ACOX3: variants seen among roughly 807,000 people sequenced by gnomAD.
ACOX3 encodes peroxisomal acyl-coenzyme A oxidase 3.
A neutral mutation model predicts 81.5 loss-of-function variants in ACOX3; 73 were observed. The ratio of observed to expected loss-of-function variants is 0.90; its 90% CI spans 0.74 to 1.09. The LOEUF (loss-of-function observed/expected upper bound fraction) is 1.09, where lower values mean the gene tolerates loss of function less well. Ranked by LOEUF, ACOX3 falls within the 50% of genes least tolerant of loss-of-function variation. ACOX3 has a pLI of 0.00. For missense variants in ACOX3, 947 were observed against 928.0 expected, an observed-to-expected ratio of 1.02 and a Z score of -0.27; for synonymous variants, 387 against 375.1, an observed-to-expected ratio of 1.03 and a Z score of -0.37.
chr4:8,381,723 T>C lies in ACOX3; in HGVS notation c.1538-116A>G, dbSNP rs751185160. 6.7e-6 allele frequency: 5 copies of C among 745,884 alleles called. No homozygotes were observed. The highest frequency in any genetic ancestry group is 2.4e-4 in the Middle Eastern group (1 of 4,176). The allele number at this position is 745,884 out of a possible 1,614,324, so 46.2% of individuals were successfully genotyped here. A position where few individuals can be genotyped will look rare whatever the true frequency, so the allele number is the denominator to read the frequency against. ...TCCTGCAGGTACCAGGTTGTCTTCA[T>C]TGACAACCAAGTGTATGGGGTGGGT... On this transcript the variant is annotated intron_variant, in intron 13 of 17. Coordinates refer to ENST00000356406, the MANE Select transcript of ACOX3 (RefSeq NM_003501.3). The surrounding 1 kb of genome is among the most constrained non-coding windows in gnomAD (Gnocchi z 4.3).
chr4:8,407,221 G>T lies in ACOX3; in HGVS notation c.688-1178C>A, dbSNP rs924712201. On this transcript the variant is annotated intron_variant, in intron 6 of 17. Coordinates refer to ENST00000356406, the MANE Select transcript of ACOX3 (RefSeq NM_003501.3). This position sits in a 1 kb window ranked among gnomAD's most constrained non-coding sequence, Gnocchi z 4.6. ...TGGTTTTTCCTAGGTTATGATTATA[G>T]AGCGAGGATTATTATAATATTGGGA... is the stretch of plus-strand genomic sequence containing the variant. Among the ~76,000 whole-genome samples the T allele has an allele frequency of 1.3e-5, 2 of 152,208 alleles. No homozygotes were observed. Among genetic ancestry groups the T allele is most frequent in the African/African-American group, 2.4e-5 (1 of 41,434 alleles).
intron 14 of ACOX3, among the ~76,000 whole-genome samples, chr4:8,378,113 G>C (rs1029019156): frequency 6.6e-6 from 1 of 152,180 alleles, no homozygotes; most frequent in Non-Finnish European, 1.5e-5. Flanking sequence ...GCACAGGAGA[G>C]AGGAGAGGGT....
chr4:8,406,098 C>A lies in ACOX3; in HGVS notation c.688-55G>T. 3 of 1,566,942 alleles carry A rather than the reference C, an allele frequency of 1.9e-6. No homozygotes were observed. Among genetic ancestry groups the A allele is most frequent in the South Asian group, 2.2e-5 (2 of 90,120 alleles). ...GCAACTGTTACAATCACACAAAAAT[C>A]AAAACAAATGTGTTCAGAAACCCAC... On this transcript the variant is annotated intron_variant, in intron 6 of 17. Transcript: ENST00000356406. The surrounding 1 kb of genome is among the most constrained non-coding windows in gnomAD (Gnocchi z 5.6).
chr4:8,370,100 G>C lies in ACOX3; in HGVS notation c.1983+808C>G, dbSNP rs1404922393. Among the ~76,000 whole-genome samples, 1 of 152,214 alleles carries C rather than the reference G, an allele frequency of 6.6e-6. No homozygotes were observed. Among genetic ancestry groups the C allele is most frequent in the Admixed American group, 6.5e-5 (1 of 15,292 alleles). ...GGCACTGCCTCAGCTGGAGGCCAGA[G>C]AAGGCCTCTCCAAGGCAGCAATAGT... On this transcript the variant is annotated intron_variant, in intron 17 of 17. Transcript: ENST00000356406. This position sits in a 1 kb window ranked among gnomAD's most constrained non-coding sequence, Gnocchi z 6.3.
intron 1 of ACOX3, among the ~76,000 whole-genome samples, chr4:8,435,039 T>A (rs1438230667): frequency 1.3e-5 from 2 of 152,064 alleles, no homozygotes; most frequent in Non-Finnish European, 2.9e-5. Flanking sequence ...CGCTAGAAAC[T>A]GTGTTAAAAA....
At position 8,438,111 on chromosome 4, in the gene ACOX3, G is replaced by A. The variant is rs1044887664; in HGVS notation, c.-15+2537C>T. On this transcript the variant is annotated intron_variant, in intron 1 of 17. Transcript: ENST00000356406. The stretch of plus-strand genomic sequence containing the variant: ...GAACTGCCTCATGCTGGAGGCTATC[G>A]GTACATGCTAGTGCTTGTTTGCACC... Among the ~76,000 whole-genome samples the A allele has an allele frequency of 1.1e-4, 17 of 152,198 alleles. 1 individual carries two copies. Among genetic ancestry groups the A allele is most frequent in the Admixed American group, 9.8e-4 (15 of 15,288 alleles).
chr4:8,369,279 C>A (rs1260903691), intron 17 of ACOX3, among the ~76,000 whole-genome samples: 1 of 152,132 alleles, frequency 6.6e-6, no homozygotes, highest in African/African-American at 2.4e-5. Context: ...CCCCCACCTC[C>A]TGGGGAGACT....
chr4:8,426,276 C>A (rs1039455610), intron 1 of ACOX3, among the ~76,000 whole-genome samples: 2 of 152,066 alleles, frequency 1.3e-5, no homozygotes, highest in Non-Finnish European at 2.9e-5. Context: ...AAGTCCCCAC[C>A]CCTAGATACA....
At chr4:8,361,890 T>C (rs540422210), downstream of ACOX3, among the ~76,000 whole-genome samples, 1 of 152,370 alleles carries the variant, frequency 6.6e-6, no homozygotes, top group East Asian at 1.9e-4. Flanking sequence ...CTGTTATTTG[T>C]ATAAATGTGT....
At chr4:8,372,249 C>A (rs924861099) in intron 16 of ACOX3, among the ~76,000 whole-genome samples, 1 of 152,216 alleles carries the variant, frequency 6.6e-6, no homozygotes, top group Non-Finnish European at 1.5e-5. Flanking sequence ...CATGTGCCAC[C>A]AAGCCTGGCT....
In ACOX3 at chr4:8,405,902, C is replaced by T. The variant is rs551892130; in HGVS notation, c.776+53G>A. 59 of 1,550,512 alleles carry T rather than the reference C, an allele frequency of 3.8e-5. No homozygotes were observed. The East Asian group carries it at 9.4e-4, about 25-fold the overall frequency. Reference sequence around the variant, plus strand: ...GTGAGATCTCAGACATGAGCGACAACGCAGCCTGGGCCTTGGCAGGAAGCT... The same window carrying T: ...GTGAGATCTCAGACATGAGCGACAATGCAGCCTGGGCCTTGGCAGGAAGCT... On this transcript the variant is annotated intron_variant, in intron 7 of 17. Coordinates refer to ENST00000356406, the MANE Select transcript of ACOX3 (RefSeq NM_003501.3). This position sits in a 1 kb window ranked among gnomAD's most constrained non-coding sequence, Gnocchi z 7.1.
At position 8,368,727 on chromosome 4, in the gene ACOX3, G is replaced by A. The variant is rs1003146107; in HGVS notation, c.1984-1647C>T. On this transcript the variant is annotated intron_variant, in intron 17 of 17. Transcript: ENST00000356406. This position sits in a 1 kb window ranked among gnomAD's most constrained non-coding sequence, Gnocchi z 5.9. Reference sequence around the variant, plus strand: ...CCAGTTCCTTGCAACTGGAAGGAATGCACTTTTTTTTTTTTTTTTGAGATG... The same window carrying A: ...CCAGTTCCTTGCAACTGGAAGGAATACACTTTTTTTTTTTTTTTTGAGATG... 9.3e-5 allele frequency among the ~76,000 whole-genome samples: 14 copies of A among 150,448 alleles called. No homozygotes were observed. Among genetic ancestry groups the A allele is most frequent in the Non-Finnish European group, 1.8e-4 (12 of 67,776 alleles).
chr4:8,396,602 G>T (rs1401343636), intron 9 of ACOX3, among the ~76,000 whole-genome samples: 16 of 151,518 alleles, frequency 1.1e-4, no homozygotes, highest in African/African-American at 3.6e-4. Flanking sequence ...ACTTGAACCT[G>T]GGAGGCGGAG....
rs1330521345 is a variant in ACOX3 at position 8,437,575 on chromosome 4, T to C, written c.-15+3073A>G. 6.6e-6 allele frequency among the ~76,000 whole-genome samples: 1 copy of C among 152,160 alleles called. No individual in the cohort carries two copies. Among genetic ancestry groups the C allele is most frequent in the Non-Finnish European group, 1.5e-5 (1 of 68,034 alleles). On this transcript the variant is annotated intron_variant, in intron 1 of 17. Transcript: ENST00000356406. The surrounding 1 kb of genome is among the most constrained non-coding windows in gnomAD (Gnocchi z 5.2). Reference sequence around the variant, plus strand: ...GACTTAAGGAAAAAGGCCAATCTGTTAGCAACAGCTCTTATAAAAAGAGAG... The same window carrying C: ...GACTTAAGGAAAAAGGCCAATCTGTCAGCAACAGCTCTTATAAAAAGAGAG...
intron 6 of ACOX3, among the ~76,000 whole-genome samples, chr4:8,409,362 G>A (rs1389914921): frequency 1.3e-5 from 2 of 152,160 alleles, no homozygotes; most frequent in African/African-American, 4.8e-5. Flanking sequence ...TCTGTGCACT[G>A]TGGGCAGGGC....
rs1348570039 is a variant in ACOX3, at chr4:8,382,999, AAAAAAAAG to A, written c.1538-1400_1538-1393del. 2.4e-3 allele frequency among the ~76,000 whole-genome samples: 355 copies of A among 150,502 alleles called. No individual in the cohort carries two copies. The highest frequency in any genetic ancestry group is 3.1e-3 in the Admixed American group (47 of 15,198). Reference sequence around the variant, plus strand: ...GAGCGAGACTCCGTCTCAAAAAAAAAAAAAAAAGAAAAGAAAATACCCAACGTTGCAGT... The same window carrying A: ...GAGCGAGACTCCGTCTCAAAAAAAAAAAAAGAAAATACCCAACGTTGCAGT... On this transcript the variant is annotated intron_variant, in intron 13 of 17. Coordinates refer to ENST00000356406, the MANE Select transcript of ACOX3 (RefSeq NM_003501.3). This position sits in a 1 kb window ranked among gnomAD's most constrained non-coding sequence, Gnocchi z 4.1.
chr4:8,429,573 C>T (rs184692650), intron 1 of ACOX3, among the ~76,000 whole-genome samples: 34 of 152,220 alleles, frequency 2.2e-4, no homozygotes, highest in African/African-American at 7.7e-4. Flanking sequence ...TCAGCTTGCA[C>T]AAGTTAAGTC....
chr4:8,381,745 G>T lies in ACOX3; in HGVS notation c.1538-138C>A, dbSNP rs1717680513. 4.6e-6 allele frequency: 3 copies of T among 658,536 alleles called. No individual in the cohort carries two copies. The highest frequency in any genetic ancestry group is 7.8e-6 in the Non-Finnish European group (3 of 384,684). 40.8% of individuals were successfully genotyped at this position (658,536 alleles called of 1,614,324 possible). On this transcript the variant is annotated intron_variant, in intron 13 of 17. Coordinates refer to ENST00000356406, the MANE Select transcript of ACOX3 (RefSeq NM_003501.3). The surrounding 1 kb of genome is among the most constrained non-coding windows in gnomAD (Gnocchi z 4.3). The stretch of plus-strand genomic sequence containing the variant: ...TCATTGACAACCAAGTGTATGGGGT[G>T]GGTCTGATTTTATAGGTAGGGAAAC...
intron 15 of ACOX3, chr4:8,374,359 A>C (rs1716653189): frequency 6.6e-6 from 1 of 152,606 alleles, no homozygotes; most frequent in East Asian, 1.9e-4. Flanking sequence ...CGGGGTCAGC[A>C]CCACCCTCCA....
Sources: gnomAD v4.1 joint callset for allele counts (sites outside exome capture counted in the v4.1 genomes callset) on GRCh38, gnomAD v4.1.1 for gene constraint, Gnocchi (gnomAD v3.1) non-coding constraint, MANE v1.5 for transcripts, NCBI Gene and HGNC (gene_info 2026-07-23, HGNC 2026-07-21) for gene names.